Variants in NLGN1 observed in about 807,000 individuals in gnomAD.
The protein encoded by NLGN1 is neuroligin 1, also known as neuroligin-1.
A neutral mutation model predicts 65.5 loss-of-function variants in NLGN1; 12 were observed. The observed-to-expected ratio is 0.18, with a 90% CI of 0.12 to 0.30. The LOEUF is 0.30. Ranked by LOEUF, NLGN1 falls within the 10% of genes least tolerant of loss-of-function variation. NLGN1 has a pLI of 1.00. For synonymous variants in NLGN1, 350 were observed against 359.5 expected (o/e 0.97, Z 0.30); for missense variants, 750 against 1,007.1 (o/e 0.74, Z 3.46).
rs117244033 is a variant in NLGN1 at position 174,251,696 on chromosome 3, T to G, written c.647-23619T>G. Among the ~76,000 whole-genome samples, 15 of 152,324 alleles carry G rather than the reference T, an allele frequency of 9.8e-5. No individual in the cohort carries two copies. The East Asian group carries it at 2.9e-3, about 29-fold the overall frequency. ...TACAATTAACTTTATTTAAATAAAT[T>G]GCAAATTAAGCTACTATAATTTGGC... is the stretch of plus-strand genomic sequence containing the variant. On this transcript the variant is annotated intron_variant, in intron 4 of 6. Coordinates refer to ENST00000457714, the Ensembl canonical transcript of NLGN1.
intron 4 of NLGN1, among the ~76,000 whole-genome samples, chr3:173,856,279 CG>C (rs200202132): frequency 1.4e-4 from 6 of 42,780 alleles, no homozygotes; most frequent in African/African-American, 5.3e-4. Flanking sequence ...AGTAGTAGCT[CG>C]TTTTACTATA....
intron 4 of NLGN1, among the ~76,000 whole-genome samples, chr3:174,190,473 A>T (rs1459211659): frequency 1.3e-5 from 2 of 152,054 alleles, no homozygotes; most frequent in African/African-American, 4.8e-5. Flanking sequence ...AAATATTTTT[A>T]AAATTAAACT....
At chr3:173,538,543 A>ATAC (rs1447980273) in intron 2 of NLGN1, among the ~76,000 whole-genome samples, 14 of 152,214 alleles carry the variant, frequency 9.2e-5, no homozygotes, top group African/African-American at 2.9e-4. Flanking sequence ...TAAGGACAAA[A>ATAC]TGCTGCCTCT....
At chr3:174,036,987 TCATC>T (rs1266147573) in intron 4 of NLGN1, among the ~76,000 whole-genome samples, 2 of 152,204 alleles carry the variant, frequency 1.3e-5, no homozygotes, top group Non-Finnish European at 2.9e-5. Context: ...CATATTTTCT[TCATC>T]CAGTCTACCG....
rs1401073235 is a variant in NLGN1 at position 174,279,271 on chromosome 3, G to A, written c.1270G>A (p.Gly424Arg). The change falls in exon 6 of 7, where the codon GGA becomes AGA. Residue 424 changes from glycine (G) to arginine (R), a missense_variant. Transcript: ENST00000457714. The surrounding 1 kb of genome is among the most constrained non-coding windows in gnomAD (Gnocchi z 4.7). ...TTCAAATTTTGTTGATAATTTATAT[G>A]GATATCCTGAAGGCAAAGATGTTTT... 1 of 1,613,206 alleles carries A rather than the reference G, an allele frequency of 6.2e-7. No homozygotes were observed. The highest frequency in any genetic ancestry group is 1.3e-5 in the African/African-American group (1 of 74,832).
chr3:173,465,179 G>A (rs1312533764), intron 2 of NLGN1, among the ~76,000 whole-genome samples: 1 of 152,164 alleles, frequency 6.6e-6, no homozygotes, highest in Non-Finnish European at 1.5e-5. Flanking sequence ...ATGCTTGCAG[G>A]GTGCTGTGTC....
intron 4 of NLGN1, among the ~76,000 whole-genome samples, chr3:174,079,666 A>G (rs1228529658): frequency 2.0e-5 from 3 of 152,238 alleles, no homozygotes; most frequent in Admixed American, 2.0e-4. Context: ...TGGATTTTAA[A>G]AAATGTGGGA....
chr3:173,500,143 A>G (rs1303268431), intron 2 of NLGN1, among the ~76,000 whole-genome samples: 1 of 152,098 alleles, frequency 6.6e-6, no homozygotes, highest in African/African-American at 2.4e-5. Flanking sequence ...TTTCAAAGGG[A>G]ATGCTTCCAG....
intron 3 of NLGN1, among the ~76,000 whole-genome samples, chr3:173,780,657 T>C (rs2150316271): frequency 6.6e-6 from 1 of 152,300 alleles, no homozygotes; most frequent in Admixed American, 6.5e-5. Flanking sequence ...AAATTAAATA[T>C]TTATTCTAAA....
intron 4 of NLGN1, among the ~76,000 whole-genome samples, chr3:173,849,288 T>C (rs1026548441): frequency 1.3e-5 from 2 of 152,168 alleles, no homozygotes; most frequent in Non-Finnish European, 2.9e-5. Flanking sequence ...TTAATTCATA[T>C]TGGTTAGTCA....
In NLGN1 at chr3:174,046,292, A is replaced by G. The variant is rs560202921; in HGVS notation, c.647-229023A>G. ...GTTTTGTTCTTTAAATAATAATGGA[A>G]AATTGAAAATTGGCACAATAAGATA... On this transcript the variant is annotated intron_variant, in intron 4 of 6. Transcript: ENST00000457714. 3.3e-5 allele frequency among the ~76,000 whole-genome samples: 5 copies of G among 152,308 alleles called. No homozygotes were observed. The South Asian group carries it at 1.0e-3, about 32-fold the overall frequency.
chr3:173,658,878 A>G (rs1302417542), intron 3 of NLGN1, among the ~76,000 whole-genome samples: 2 of 152,036 alleles, frequency 1.3e-5, no homozygotes, highest in African/African-American at 4.8e-5. Flanking sequence ...TGTATGGTTT[A>G]TACACATGCA....
intron 4 of NLGN1, among the ~76,000 whole-genome samples, chr3:173,972,640 TGAG>T (rs951917190): frequency 1.6e-4 from 25 of 152,020 alleles, no homozygotes; most frequent in African/African-American, 5.3e-4. Context: ...CAGAAATAAA[TGAG>T]GAGAAATTTG....
chr3:174,194,862 C>CTTTT (rs371935591), intron 4 of NLGN1, among the ~76,000 whole-genome samples: 1 of 127,646 alleles, frequency 7.8e-6, no homozygotes, highest in Non-Finnish European at 1.6e-5. Context: ...TTTCTTTTTT[C>CTTTT]TTTTTTCTTT....
intron 4 of NLGN1, among the ~76,000 whole-genome samples, chr3:173,975,122 G>A (rs948796289): frequency 1.1e-4 from 16 of 152,060 alleles, no homozygotes; most frequent in African/African-American, 3.1e-4. Flanking sequence ...AACCACTTTT[G>A]TAAGATGTGC....
chr3:173,702,112 G>T (rs111763352), intron 3 of NLGN1, among the ~76,000 whole-genome samples: 2 of 149,254 alleles, frequency 1.3e-5, no homozygotes, highest in Non-Finnish European at 3.0e-5. Context: ...AGTGGCGGGC[G>T]CCTGTAGTCC....
chr3:173,721,673 AT>A, intron 3 of NLGN1, among the ~76,000 whole-genome samples: 1 of 152,270 alleles, frequency 6.6e-6, no homozygotes, highest in South Asian at 2.1e-4. Context: ...ATTTATGGAG[AT>A]TGTTAAAGAA....
At chr3:173,553,673 A>G (rs1011487285) in intron 2 of NLGN1, among the ~76,000 whole-genome samples, 4 of 152,224 alleles carry the variant, frequency 2.6e-5, no homozygotes, top group Non-Finnish European at 5.9e-5. Context: ...AATTGAATAT[A>G]TGTGACAAGT....
intron 1 of NLGN1, among the ~76,000 whole-genome samples, chr3:173,415,930 G>A (rs982207603): frequency 6.9e-6 from 1 of 145,718 alleles, no homozygotes; most frequent in African/African-American, 2.7e-5. Context: ...GAGAGAGAGA[G>A]AGAGAGAGAG....
Sources: gnomAD v4.1 joint callset for allele counts (sites outside exome capture counted in the v4.1 genomes callset) on GRCh38, gnomAD v4.1.1 for gene constraint, Gnocchi (gnomAD v3.1) non-coding constraint, MANE v1.5 for transcripts, NCBI Gene and HGNC (gene_info 2026-07-23, HGNC 2026-07-21) for gene names.